MYRIP: variants seen among roughly 807,000 people sequenced by gnomAD.
MYRIP encodes the protein myosin VIIA and Rab interacting protein.
In MYRIP, 49 loss-of-function variants were observed where a neutral mutation model predicts 98.0. The observed-to-expected ratio is 0.50, with a 90% CI of 0.40 to 0.63. The LOEUF (loss-of-function observed/expected upper bound fraction) is 0.63. Among genes scored for constraint, MYRIP ranks in the 30% least tolerant of loss-of-function variants. The pLI, the probability that MYRIP is intolerant of heterozygous loss-of-function variation, is 0.00. For missense variants in MYRIP, 1,004 were observed against 1,058.2 expected, an observed-to-expected ratio of 0.95 and a Z score of 0.71; for synonymous variants, 404 against 409.5, an observed-to-expected ratio of 0.99 and a Z score of 0.16.
At chr3:40,145,458 G>C (rs955549500) in intron 3 of MYRIP, among the ~76,000 whole-genome samples, 1 of 152,150 alleles carries the variant, frequency 6.6e-6, no homozygotes, top group Non-Finnish European at 1.5e-5. Flanking sequence ...CAAACCAGGG[G>C]GAGAAGATAA....
chr3:40,153,752 C>T (rs1339907812), intron 4 of MYRIP, among the ~76,000 whole-genome samples: 1 of 152,184 alleles, frequency 6.6e-6, no homozygotes, highest in Non-Finnish European at 1.5e-5. Flanking sequence ...ATCTGCAGTG[C>T]ACAAGGCATG....
chr3:40,245,769 A>G (rs1398414651), intron 13 of MYRIP, among the ~76,000 whole-genome samples: 1 of 33,944 alleles, frequency 2.9e-5, no homozygotes, highest in Non-Finnish European at 4.3e-5. Context: ...TTTTTTTGAG[A>G]CAGAGTCTTA....
At chr3:40,098,020 C>T (rs1244679275) in intron 3 of MYRIP, among the ~76,000 whole-genome samples, 1 of 152,110 alleles carries the variant, frequency 6.6e-6, no homozygotes, top group African/African-American at 2.4e-5. Flanking sequence ...TACTGCACTC[C>T]CTTTTAAATC....
In MYRIP at chr3:40,090,798, T is replaced by G. The variant is rs184999576; in HGVS notation, c.332+46527T>G. Among the ~76,000 whole-genome samples, 137 of 152,302 alleles carry G rather than the reference T, an allele frequency of 9.0e-4. 1 individual carries two copies. Among genetic ancestry groups the G allele is most frequent in the African/African-American group, 3.2e-3 (134 of 41,572 alleles). The stretch of plus-strand genomic sequence containing the variant: ...AGTAGTGTCCTACTTCTACTTGGTG[T>G]ATGTTTCCTGAATGGGTATCGAGGA... On this transcript the variant is annotated intron_variant, in intron 3 of 16. Coordinates refer to ENST00000302541, the MANE Select transcript of MYRIP (RefSeq NM_015460.4).
At chr3:40,036,753 C>G (rs1396220277) in intron 2 of MYRIP, among the ~76,000 whole-genome samples, 1 of 152,068 alleles carries the variant, frequency 6.6e-6, no homozygotes, top group African/African-American at 2.4e-5. Context: ...GACTTTCATT[C>G]TCAGGGCAGG....
Position 39,817,875 on chromosome 3 carries a change from T to C in MYRIP, c.-31+7959T>C, listed in dbSNP as rs549739407. 2.0e-5 allele frequency among the ~76,000 whole-genome samples: 3 copies of C among 152,286 alleles called. No individual in the cohort carries two copies. In the South Asian group the frequency reaches 6.2e-4, roughly 32 times the overall value. ...ACTAATCAAAACTTTTTATTTCCCA[T>C]TATTTACTGTGATATTTTAAGTGGA... On this transcript the variant is annotated intron_variant, in intron 1 of 16. Transcript: ENST00000302541.
chr3:39,876,558 A>T lies in MYRIP; in HGVS notation c.-30-24229A>T, dbSNP rs994041312. ...CCTGGTGGTGACAAAATCTCTCAGCATTTGCTTGTCTGTAAAGGATTTTAT... is the reference window on the plus strand; with the variant it reads ...CCTGGTGGTGACAAAATCTCTCAGCTTTTGCTTGTCTGTAAAGGATTTTAT... On this transcript the variant is annotated intron_variant, in intron 1 of 16. Coordinates refer to ENST00000302541, the MANE Select transcript of MYRIP (RefSeq NM_015460.4). Among the ~76,000 whole-genome samples the T allele has an allele frequency of 7.2e-5, 11 of 151,920 alleles. 1 individual carries two copies. Among genetic ancestry groups the T allele is most frequent in the African/African-American group, 2.4e-4 (10 of 41,268 alleles).
chr3:40,035,307 C>G (rs905895652), intron 2 of MYRIP, among the ~76,000 whole-genome samples: 4 of 151,776 alleles, frequency 2.6e-5, no homozygotes, highest in Admixed American at 6.6e-5. Context: ...GTATTGAAAA[C>G]TAAAATTGTA....
At chr3:40,050,541 T>A (rs1024908794) in intron 3 of MYRIP, among the ~76,000 whole-genome samples, 1 of 152,112 alleles carries the variant, frequency 6.6e-6, no homozygotes, top group Non-Finnish European at 1.5e-5. Flanking sequence ...GATGAAAATA[T>A]ACAAGGAGAT....
intron 3 of MYRIP, among the ~76,000 whole-genome samples, chr3:40,124,200 G>A (rs1013541082): frequency 2.0e-5 from 3 of 152,080 alleles, no homozygotes; most frequent in Admixed American, 6.6e-5. Context: ...TCTTCTATCT[G>A]CCCCATCCCA....
intron 2 of MYRIP, among the ~76,000 whole-genome samples, chr3:39,975,297 A>G (rs1346028849): frequency 1.3e-5 from 2 of 152,188 alleles, no homozygotes; most frequent in African/African-American, 2.4e-5. Context: ...CCCATTCACA[A>G]TTGCTTCAAA....
chr3:39,942,068 G>T (rs957280128), intron 2 of MYRIP, among the ~76,000 whole-genome samples: 3 of 152,280 alleles, frequency 2.0e-5, no homozygotes, highest in South Asian at 2.1e-4. Flanking sequence ...TATGGCAAGT[G>T]CTGTTTGGCA....
chr3:39,881,463 A>G (rs933184236), intron 1 of MYRIP, among the ~76,000 whole-genome samples: 11 of 152,192 alleles, frequency 7.2e-5, no homozygotes, highest in African/African-American at 2.7e-4. Context: ...TAAACGTATC[A>G]GTTTTTTCCT....
At chr3:40,006,335 G>A (rs1575458893) in intron 2 of MYRIP, among the ~76,000 whole-genome samples, 1 of 152,138 alleles carries the variant, frequency 6.6e-6, no homozygotes, top group Non-Finnish European at 1.5e-5. Context: ...CTTGCAGTAA[G>A]CCGAGACTGC....
chr3:39,879,032 C>G (rs1943093473), intron 1 of MYRIP, among the ~76,000 whole-genome samples: 1 of 151,524 alleles, frequency 6.6e-6, no homozygotes, highest in Admixed American at 6.6e-5. Context: ...CACCACTGCA[C>G]TCCAGCCTGG....
intron 8 of MYRIP, chr3:40,173,539 A>T (rs1950672158): frequency 6.6e-6 from 1 of 152,352 alleles, no homozygotes; most frequent in Non-Finnish European, 1.5e-5. Context: ...GACAGGCAAT[A>T]GTGTTCCCGT....
At chr3:39,979,665 A>C (rs1303181874) in intron 2 of MYRIP, among the ~76,000 whole-genome samples, 2 of 151,866 alleles carry the variant, frequency 1.3e-5, no homozygotes, top group Admixed American at 6.6e-5. Flanking sequence ...CAAAAAAAAA[A>C]AAACAAAAAA....
At chr3:39,835,814 A>G (rs1001208023) in intron 1 of MYRIP, among the ~76,000 whole-genome samples, 10 of 151,568 alleles carry the variant, frequency 6.6e-5, no homozygotes, top group African/African-American at 2.4e-4. Context: ...TCATTTTTCA[A>G]CTCCCACTTA....
intron 10 of MYRIP, among the ~76,000 whole-genome samples, chr3:40,191,661 T>G (rs564528262): frequency 6.6e-6 from 1 of 152,294 alleles, no homozygotes; most frequent in East Asian, 1.9e-4. Flanking sequence ...TGCTAACATA[T>G]TGCCTAGAAA....
Sources: allele counts gnomAD v4.1 joint callset (sites outside exome capture counted in the v4.1 genomes callset), GRCh38; gene constraint gnomAD v4.1.1; transcripts MANE v1.5; gene names NCBI Gene and HGNC (gene_info 2026-07-23, HGNC 2026-07-21).